Variants in RASEF observed in about 807,000 individuals in gnomAD.
RASEF encodes ras and EF-hand domain-containing protein.
A neutral mutation model predicts 90.1 loss-of-function variants in RASEF; 68 were observed. The ratio of observed to expected loss-of-function variants is 0.75; its 90% CI spans 0.62 to 0.92. The LOEUF (loss-of-function observed/expected upper bound fraction) is 0.92. Among genes scored for constraint, RASEF ranks in the 40% least tolerant of loss-of-function variants. RASEF has a pLI of 0.00. For missense variants in RASEF, 949 were observed against 937.2 expected (o/e 1.01, Z -0.16); for synonymous variants, 331 against 345.2 (o/e 0.96, Z 0.46).
At chr9:83,161,104 C>T in the RASEF span, among the ~76,000 whole-genome samples, 12 of 152,288 alleles carry the variant, frequency 7.9e-5, no homozygotes, top group African/African-American at 2.4e-4. Context: ...TCTGAGCCCC[C>T]CCCACAGAGT....
At chr9:83,048,772 C>G (rs753343178) in intron 1 of RASEF, 170 of 978,994 alleles carry the variant, frequency 1.7e-4, no homozygotes, top group Non-Finnish European at 1.9e-4. Context: ...CTATATAGTT[C>G]TTGAGGATTT....
chr9:83,100,058 T>A, the RASEF span, among the ~76,000 whole-genome samples: 1 of 152,178 alleles, frequency 6.6e-6, no homozygotes, highest in African/African-American at 2.4e-5. Flanking sequence ...GTCTAGAAAT[T>A]GAGTAAGATT....
the RASEF span, among the ~76,000 whole-genome samples, chr9:83,194,517 G>T: frequency 6.6e-6 from 1 of 152,100 alleles, no homozygotes; most frequent in Non-Finnish European, 1.5e-5. Context: ...TGTTTGCTAG[G>T]CTTCTTCCCT....
intron 9 of RASEF, among the ~76,000 whole-genome samples, chr9:83,002,784 A>G (rs1313760647): frequency 6.6e-6 from 1 of 152,144 alleles, no homozygotes; most frequent in Non-Finnish European, 1.5e-5. Flanking sequence ...ACCTGAATAA[A>G]CATCTAGACT....
upstream of RASEF, chr9:83,063,169 C>A (rs529812269): frequency 1.6e-5 from 6 of 375,690 alleles, no homozygotes; most frequent in African/African-American, 1.1e-4. Context: ...AGGTGGCTCT[C>A]GCCACTTTCC....
the RASEF span, among the ~76,000 whole-genome samples, chr9:83,113,327 A>T: frequency 3.3e-5 from 5 of 152,184 alleles, no homozygotes; most frequent in Non-Finnish European, 5.9e-5. Context: ...TAATCACGTT[A>T]TCTTCATAAG....
chr9:83,158,136 C>T, the RASEF span, among the ~76,000 whole-genome samples: 3 of 152,082 alleles, frequency 2.0e-5, no homozygotes, highest in Non-Finnish European at 2.9e-5. Context: ...TTAAATGATG[C>T]CAGTTTTATC....
chr9:83,127,584 G>GT, the RASEF span, among the ~76,000 whole-genome samples: 1 of 152,212 alleles, frequency 6.6e-6, no homozygotes, highest in East Asian at 1.9e-4. Context: ...GGCGCTGCCA[G>GT]TAAGAGTTGA....
intron 1 of RASEF, among the ~76,000 whole-genome samples, chr9:83,057,932 C>T (rs1304687256): frequency 6.7e-6 from 1 of 149,460 alleles, no homozygotes; most frequent in African/African-American, 2.4e-5. Flanking sequence ...GTGGAAGATA[C>T]TCAAGAGCTG....
the RASEF span, among the ~76,000 whole-genome samples, chr9:83,203,760 C>T: frequency 6.6e-6 from 1 of 151,964 alleles, no homozygotes; most frequent in Non-Finnish European, 1.5e-5. Context: ...GGTGGGCACT[C>T]CAGTCAGGAG....
chr9:83,085,330 G>GTC, the RASEF span, among the ~76,000 whole-genome samples: 1 of 152,124 alleles, frequency 6.6e-6, no homozygotes, highest in Non-Finnish European at 1.5e-5. Context: ...AATCATTCAA[G>GTC]CATTATAAAA....
At chr9:83,145,324 T>C in the RASEF span, among the ~76,000 whole-genome samples, 2 of 152,114 alleles carry the variant, frequency 1.3e-5, no homozygotes, top group African/African-American at 4.8e-5. Flanking sequence ...AGATCCCCCA[T>C]CCAGGGTTAC....
At position 83,062,797 on chromosome 9, in the gene RASEF, C is replaced by T. The variant is rs767625674; in HGVS notation, c.71G>A (p.Arg24His). 1.7e-5 allele frequency: 26 copies of T among 1,555,702 alleles called. No homozygotes were observed. In the South Asian group the frequency reaches 3.1e-4, roughly 18 times the overall value. Reference protein sequence around the residue: ...RSVFAACDANRSGRLEREEFR... With the variant: ...RSVFAACDANHSGRLEREEFR... ...CTCCTCGCGCTCCAGGCGCCCCGAG[C>T]GGTTCGCGTCGCAGGCGGCGAAGAC... Residue 24 changes from arginine to histidine, a missense_variant, in exon 1 of 17, where the codon CGC becomes CAC. By Grantham distance (29) the Arg-to-His change is conservative. This residue lies in a region of RASEF where 656 missense variants were observed against 592.2 expected (regional missense o/e 1.11). Transcript: ENST00000376447.
rs1253269349 is a variant in RASEF at position 83,015,916 on chromosome 9, AT to A, written c.670-17del. 4 of 1,584,862 alleles carry A rather than the reference AT, an allele frequency of 2.5e-6. No individual in the cohort carries two copies. Among genetic ancestry groups the A allele is most frequent in the African/African-American group, 1.3e-5 (1 of 74,412 alleles). ...TGCGTTTTTCCTAAAAGAAAAAAAA[AT>A]ATGTTGTTCATTTAAATAAGTTCAC... is the stretch of plus-strand genomic sequence containing the variant. On this transcript the variant is annotated splice_polypyrimidine_tract_variant and intron_variant, in intron 3 of 16. Transcript: ENST00000376447.
the RASEF span, among the ~76,000 whole-genome samples, chr9:83,125,354 T>C: frequency 3.4e-4 from 52 of 152,148 alleles, no homozygotes; most frequent in Non-Finnish European, 6.3e-4. Context: ...TGTCAGCACC[T>C]TGATTTTAGC....
the RASEF span, among the ~76,000 whole-genome samples, chr9:83,123,798 C>T: frequency 6.6e-6 from 1 of 152,210 alleles, no homozygotes; most frequent in Non-Finnish European, 1.5e-5. Context: ...TTGTTTATTG[C>T]AGTAACATGT....
intron 3 of RASEF, 22 bp downstream of exon 3, chr9:83,022,314 A>C (rs557818663): frequency 1.3e-6 from 2 of 1,594,044 alleles, no homozygotes; most frequent in East Asian, 2.2e-5. Flanking sequence ...CTGCTGAATG[A>C]ATGGCCAACC....
At chr9:83,033,075 A>G (rs930002215) in intron 1 of RASEF, among the ~76,000 whole-genome samples, 1 of 152,206 alleles carries the variant, frequency 6.6e-6, no homozygotes, top group Non-Finnish European at 1.5e-5. Flanking sequence ...AGGGAGCTAA[A>G]TTACTCAAAC....
chr9:83,088,102 T>C, the RASEF span, among the ~76,000 whole-genome samples: 2,337 of 152,212 alleles, frequency 0.015, 75 homozygotes, highest in African/African-American at 0.053. Context: ...AAAACATACT[T>C]TGTGTGATGA....
Sources: allele counts gnomAD v4.1 joint callset (sites outside exome capture counted in the v4.1 genomes callset), GRCh38; gene constraint gnomAD v4.1.1; regional missense constraint gnomAD v4.1.1; transcripts MANE v1.5; gene names NCBI Gene and HGNC (gene_info 2026-07-23, HGNC 2026-07-21).